The following MLLT3 variants were observed in gnomAD, a reference collection of about 807,000 sequenced individuals.
MLLT3 encodes the protein protein AF-9.
A neutral mutation model predicts 53.2 loss-of-function variants in MLLT3; 4 were observed. That is an observed-to-expected ratio of 0.08 (90% CI 0.04 to 0.17). The LOEUF (loss-of-function observed/expected upper bound fraction) is 0.17. Among genes scored for constraint, MLLT3 ranks in the 10% least tolerant of loss-of-function variants. MLLT3 has a pLI of 1.00. For missense variants in MLLT3, 569 were observed against 684.0 expected, an observed-to-expected ratio of 0.83 and a Z score of 1.87; for synonymous variants, 283 against 230.6, an observed-to-expected ratio of 1.23 and a Z score of -2.06.
At chr9:20,582,554 C>G (rs1489381648) in intron 2 of MLLT3, among the ~76,000 whole-genome samples, 1 of 152,150 alleles carries the variant, frequency 6.6e-6, no homozygotes, top group East Asian at 1.9e-4. Context: ...AGTCCTGTTT[C>G]ACCCTGCTGA....
intron 5 of MLLT3, among the ~76,000 whole-genome samples, chr9:20,389,242 C>T (rs1822124022): frequency 6.6e-6 from 1 of 152,140 alleles, no homozygotes. Flanking sequence ...AAATACAATA[C>T]TAAGTGAAAG....
At chr9:20,545,048 T>C (rs1344089389) in intron 2 of MLLT3, among the ~76,000 whole-genome samples, 1 of 124,682 alleles carries the variant, frequency 8.0e-6, no homozygotes, top group Non-Finnish European at 1.6e-5. Flanking sequence ...AAAGCCATGA[T>C]CACGCCACTG....
chr9:20,474,234 T>C (rs969561650), intron 2 of MLLT3, among the ~76,000 whole-genome samples: 3 of 152,102 alleles, frequency 2.0e-5, no homozygotes, highest in Non-Finnish European at 4.4e-5. Flanking sequence ...TAAAACCACA[T>C]AGAAATTTTT....
chr9:20,426,254 T>A (rs1563961332), intron 4 of MLLT3, among the ~76,000 whole-genome samples: 1 of 152,148 alleles, frequency 6.6e-6, no homozygotes, highest in African/African-American at 2.4e-5. Flanking sequence ...AATATTTATA[T>A]CACTTCTCTT....
intron 2 of MLLT3, among the ~76,000 whole-genome samples, chr9:20,472,065 A>G (rs1299691045): frequency 6.6e-6 from 1 of 152,060 alleles, no homozygotes; most frequent in Admixed American, 6.6e-5. Flanking sequence ...GTTTTAGTTT[A>G]ATGCTCTTAT....
At chr9:20,450,309 C>T (rs1823807652) in intron 3 of MLLT3, among the ~76,000 whole-genome samples, 1 of 152,150 alleles carries the variant, frequency 6.6e-6, no homozygotes, top group South Asian at 2.1e-4. Context: ...GATGTCCTCC[C>T]TGATTTTGAA....
chr9:20,576,286 C>A (rs953409349), intron 2 of MLLT3, among the ~76,000 whole-genome samples: 5 of 152,202 alleles, frequency 3.3e-5, no homozygotes, highest in Non-Finnish European at 5.9e-5. Flanking sequence ...ACCACTAAAA[C>A]TTTCTCCATA....
chr9:20,618,205 T>C (rs2131216128), intron 2 of MLLT3, among the ~76,000 whole-genome samples: 1 of 152,360 alleles, frequency 6.6e-6, no homozygotes, highest in East Asian at 1.9e-4. Context: ...AATTTCCAAT[T>C]GGTAGAATTT....
intron 2 of MLLT3, among the ~76,000 whole-genome samples, chr9:20,457,238 C>CT (rs769037689): frequency 0.027 from 1,715 of 63,746 alleles, 465 homozygotes; most frequent in Middle Eastern, 0.042. Context: ...ACAAGGACAT[C>CT]TTTTTTTTTT....
chr9:20,523,709 C>A (rs1051921078), intron 2 of MLLT3, among the ~76,000 whole-genome samples: 6 of 152,070 alleles, frequency 3.9e-5, no homozygotes, highest in African/African-American at 1.4e-4. Context: ...GTGGCTCATG[C>A]CTGTAATCCC....
intron 5 of MLLT3, among the ~76,000 whole-genome samples, chr9:20,408,573 T>C (rs1361349096): frequency 6.6e-6 from 1 of 152,162 alleles, no homozygotes; most frequent in Non-Finnish European, 1.5e-5. Flanking sequence ...GAGCCTCCGA[T>C]GAGAACCTGC....
chr9:20,617,987 T>G (rs1357441479), intron 2 of MLLT3, among the ~76,000 whole-genome samples: 1 of 152,180 alleles, frequency 6.6e-6, no homozygotes, highest in African/African-American at 2.4e-5. Context: ...AACCAAAGAT[T>G]TACAAAACTA....
At position 20,373,973 on chromosome 9, in the gene MLLT3, G is replaced by C. The variant is rs535062630; in HGVS notation, c.1126-8229C>G. Among the ~76,000 whole-genome samples the C allele has an allele frequency of 4.0e-5, 6 of 148,356 alleles. No homozygotes were observed. In the East Asian group the frequency reaches 5.9e-4, roughly 15 times the overall value. On this transcript the variant is annotated intron_variant, in intron 5 of 10. Coordinates refer to ENST00000380338, the MANE Select transcript of MLLT3 (RefSeq NM_004529.4). ...AAAAAATCACCTTACACATTATATA[G>C]CTTTTCTTTTTGCTTAACATAAAAA...
chr9:20,401,275 GAA>G (rs1586921063), intron 5 of MLLT3, among the ~76,000 whole-genome samples: 2 of 151,836 alleles, frequency 1.3e-5, no homozygotes, highest in East Asian at 3.9e-4. Context: ...AGTATTTTTT[GAA>G]AAAATATGTT....
At position 20,354,882 on chromosome 9, in the gene MLLT3, A is replaced by G. The variant is rs1212696135; in HGVS notation, c.1432-3T>C. 6.2e-7 allele frequency: 1 copy of G among 1,608,422 alleles called. No homozygotes were observed. The highest frequency in any genetic ancestry group is 8.5e-7 in the Non-Finnish European group (1 of 1,175,258). On this transcript the variant is annotated splice_region_variant and splice_polypyrimidine_tract_variant and intron_variant, in intron 8 of 10. Transcript: ENST00000380338. ...ATTGGACTTTTCACTTCAAGAATCT[A>G]GGGATCAAAGAGAACGCTGTGTTAA...
chr9:20,571,886 C>T (rs1219487091), intron 2 of MLLT3, among the ~76,000 whole-genome samples: 1 of 152,090 alleles, frequency 6.6e-6, no homozygotes, highest in African/African-American at 2.4e-5. Context: ...CAAGTATTGG[C>T]AAAGATGTGG....
intron 2 of MLLT3, among the ~76,000 whole-genome samples, chr9:20,599,778 G>A (rs1050864011): frequency 6.6e-6 from 1 of 152,160 alleles, no homozygotes; most frequent in Non-Finnish European, 1.5e-5. Context: ...TACTTGGACT[G>A]TCCTCAGCAA....
chr9:20,506,109 C>T (rs1263874164), intron 2 of MLLT3, among the ~76,000 whole-genome samples: 1 of 151,174 alleles, frequency 6.6e-6, no homozygotes, highest in Non-Finnish European at 1.5e-5. Context: ...GTCTCCAGTG[C>T]AGTGGCACGA....
intron 5 of MLLT3, among the ~76,000 whole-genome samples, chr9:20,399,534 G>A (rs949727740): frequency 5.3e-5 from 8 of 152,074 alleles, no homozygotes; most frequent in African/African-American, 1.9e-4. Flanking sequence ...ATGCACAAAG[G>A]AGGGAGGGGT....
Sources: allele counts gnomAD v4.1 joint callset (sites outside exome capture counted in the v4.1 genomes callset), GRCh38; gene constraint gnomAD v4.1.1; transcripts MANE v1.5; gene names NCBI Gene and HGNC (gene_info 2026-07-23, HGNC 2026-07-21).